DOCK1: variants seen among roughly 807,000 people sequenced by gnomAD.
DOCK1 encodes dedicator of cytokinesis 1.
Under a neutral mutation model 262.7 loss-of-function variants are expected in DOCK1, and 138 were observed. That is an observed-to-expected ratio of 0.53 (90% CI 0.46 to 0.61). DOCK1 has a LOEUF of 0.61. Among genes scored for constraint, DOCK1 ranks in the 20% least tolerant of loss-of-function variants. DOCK1 has a pLI of 0.00. For synonymous variants in DOCK1, 866 were observed against 867.4 expected (o/e 1.00, Z 0.03); for missense variants, 1,908 against 2,370.7 (o/e 0.80, Z 4.05).
At chr10:127,280,239 T>G (rs1170621524) in intron 29 of DOCK1, among the ~76,000 whole-genome samples, 1 of 151,660 alleles carries the variant, frequency 6.6e-6, no homozygotes, top group Admixed American at 6.6e-5. Context: ...TTTCACCGTT[T>G]TAGCCGGGAT....
At chr10:127,137,328 A>G (rs1194597511) in intron 27 of DOCK1, 6 of 153,160 alleles carry the variant, frequency 3.9e-5, no homozygotes, top group African/African-American at 1.4e-4. Flanking sequence ...ACTTGAAAAA[A>G]TTGTGCTTTC....
intron 25 of DOCK1, among the ~76,000 whole-genome samples, chr10:127,110,846 T>G (rs916153143): frequency 6.6e-6 from 1 of 152,240 alleles, no homozygotes; most frequent in Non-Finnish European, 1.5e-5. Flanking sequence ...TATATTTCCC[T>G]ATGTTATCTC....
chr10:127,130,047 G>A (rs2050216139), intron 27 of DOCK1, among the ~76,000 whole-genome samples: 1 of 147,046 alleles, frequency 6.8e-6, no homozygotes, highest in African/African-American at 2.6e-5. Flanking sequence ...GCACAATCCT[G>A]CCTCCAGTTA....
chr10:126,905,709 C>G (rs1282253435), intron 1 of DOCK1, 146 bp downstream of exon 1: 1 of 148,786 alleles, frequency 6.7e-6, no homozygotes, highest in Non-Finnish European at 1.5e-5. Flanking sequence ...CCGCCCCGCT[C>G]GCAATGCCCG....
At chr10:127,182,352 A>G (rs1314147029) in intron 27 of DOCK1, among the ~76,000 whole-genome samples, 1 of 152,200 alleles carries the variant, frequency 6.6e-6, no homozygotes, top group African/African-American at 2.4e-5. Context: ...AATGTAAACC[A>G]CAAAGGCTCA....
chr10:126,918,766 G>T (rs2032811476), intron 1 of DOCK1, among the ~76,000 whole-genome samples: 1 of 152,206 alleles, frequency 6.6e-6, no homozygotes, highest in Non-Finnish European at 1.5e-5. Flanking sequence ...ACACTCAACA[G>T]CTGCTTACTG....
intron 1 of DOCK1, among the ~76,000 whole-genome samples, chr10:126,956,587 G>A (rs1277578164): frequency 1.3e-5 from 2 of 152,194 alleles, no homozygotes; most frequent in East Asian, 3.9e-4. Context: ...TCCTCAGCTC[G>A]CACTGGGGCC....
chr10:126,998,745 C>T (rs185704698), intron 8 of DOCK1: 17 of 158,128 alleles, frequency 1.1e-4, no homozygotes, highest in Admixed American at 4.8e-4. Context: ...TAAATGAAAA[C>T]ACTGTAAGTC....
intron 29 of DOCK1, 24 bp from the exon 30 acceptor site, chr10:127,338,982 T>C (rs1385063363): frequency 1.3e-6 from 2 of 1,556,424 alleles, no homozygotes; most frequent in Admixed American, 1.9e-5. Flanking sequence ...TGTGTAATTA[T>C]GTAATTTTCT....
chr10:127,304,932 G>T (rs893885625), intron 29 of DOCK1, among the ~76,000 whole-genome samples: 2 of 152,140 alleles, frequency 1.3e-5, no homozygotes, highest in Non-Finnish European at 2.9e-5. Flanking sequence ...TGTACCTTAG[G>T]CTTTTTTTGT....
chr10:127,083,978 C>G (rs773024850), intron 23 of DOCK1, among the ~76,000 whole-genome samples: 3 of 152,178 alleles, frequency 2.0e-5, no homozygotes, highest in Non-Finnish European at 4.4e-5. Context: ...AATTTCCCAT[C>G]TCTTGTTATC....
At chr10:127,385,030 T>C (rs1392240582) in intron 38 of DOCK1, 121 bp downstream of exon 38, 7 of 1,269,228 alleles carry the variant, frequency 5.5e-6, no homozygotes, top group African/African-American at 1.5e-5. Flanking sequence ...AAGTTGTATA[T>C]TGAAATGTTT....
chr10:127,140,478 G>A (rs1437344655), intron 27 of DOCK1, among the ~76,000 whole-genome samples: 7 of 152,202 alleles, frequency 4.6e-5, no homozygotes. Flanking sequence ...TGTCACATGT[G>A]AGTTGCAGTG....
chr10:127,108,815 AT>A (rs1324199284), intron 24 of DOCK1, among the ~76,000 whole-genome samples: 2 of 152,162 alleles, frequency 1.3e-5, no homozygotes, highest in Non-Finnish European at 2.9e-5. Context: ...TAGTCCATTA[AT>A]CTTTACAACA....
intron 1 of DOCK1, among the ~76,000 whole-genome samples, chr10:126,939,301 C>A (rs918733806): frequency 1.3e-4 from 20 of 152,182 alleles, no homozygotes; most frequent in Non-Finnish European, 2.8e-4. Context: ...AGTTTCAACA[C>A]ATGAATTCTG....
chr10:127,008,902 GGATT>G (rs1464214282), intron 11 of DOCK1, 98 bp downstream of exon 11: 42 of 1,142,878 alleles, frequency 3.7e-5, no homozygotes, highest in Middle Eastern at 2.8e-4. Context: ...ACATAACTAA[GGATT>G]GATTATTTTG....
At chr10:127,368,177 T>C (rs572113365) in intron 33 of DOCK1, among the ~76,000 whole-genome samples, 37 of 152,330 alleles carry the variant, frequency 2.4e-4, no homozygotes, top group African/African-American at 8.4e-4. Flanking sequence ...CAGAGCTTCA[T>C]CACCACCTCC....
At chr10:126,915,065 G>T (rs1444978553) in intron 1 of DOCK1, among the ~76,000 whole-genome samples, 2 of 152,186 alleles carry the variant, frequency 1.3e-5, no homozygotes, top group African/African-American at 4.8e-5. Context: ...AGCAAGTGGG[G>T]TGGGAAATGT....
In DOCK1 at chr10:126,931,689, C is replaced by T. The variant is rs1251085457; in HGVS notation, c.46+26126C>T. ...GTATTTCAGGGAAGCCATTCTGAAG[C>T]GGGAGGTGGTACAGCACAGAGTTTA... On this transcript the variant is annotated intron_variant, in intron 1 of 51. Transcript: ENST00000623213. 3.3e-5 allele frequency among the ~76,000 whole-genome samples: 5 copies of T among 152,094 alleles called. No individual in the cohort carries two copies. The East Asian group carries it at 5.8e-4, about 18-fold the overall frequency.
Sources: gnomAD v4.1 joint callset for allele counts (sites outside exome capture counted in the v4.1 genomes callset) on GRCh38, gnomAD v4.1.1 for gene constraint, MANE v1.5 for transcripts, NCBI Gene and HGNC (gene_info 2026-07-23, HGNC 2026-07-21) for gene names.